Variants in GALNT16 observed in about 807,000 individuals in gnomAD.
GALNT16 encodes the protein polypeptide N-acetylgalactosaminyltransferase 16.
GALNT16 carries 40 observed loss-of-function variants against 76.1 expected under a neutral mutation model. The ratio of observed to expected loss-of-function variants is 0.53; its 90% CI spans 0.41 to 0.68. The LOEUF (loss-of-function observed/expected upper bound fraction) is 0.68, where lower values mean the gene tolerates loss of function less well. GALNT16 is among the 30% of genes least tolerant of loss of function. The probability of loss-of-function intolerance (pLI) is 0.00; values close to 1 mark genes in which losing one functional copy is unlikely to be tolerated. For missense variants in GALNT16, 621 were observed against 731.9 expected, an observed-to-expected ratio of 0.85 and a Z score of 1.75; for synonymous variants, 276 against 285.2, an observed-to-expected ratio of 0.97 and a Z score of 0.32.
At position 69,320,788 on chromosome 14, in the gene GALNT16, C is replaced by A; in HGVS notation, c.255C>A (p.Pro85=). The change falls in exon 2 of 15, where the codon CCC becomes CCA. Residue 85 remains proline, a synonymous_variant. Transcript: ENST00000448469. ...SAKQLKAGED[P]YRQHAFNQLE... Reference sequence around the variant, plus strand: ...AGCAGCTGAAGGCTGGAGAGGACCCCTACAGACAGCACGCCTTCAACCAGC... The same window carrying A: ...AGCAGCTGAAGGCTGGAGAGGACCCATACAGACAGCACGCCTTCAACCAGC... 1 of 1,614,210 alleles carries A rather than the reference C, an allele frequency of 6.2e-7. No homozygotes were observed. Among genetic ancestry groups the A allele is most frequent in the Non-Finnish European group, 8.5e-7 (1 of 1,180,022 alleles).
chr14:69,272,726 T>A (rs1027642348), intron 1 of GALNT16, among the ~76,000 whole-genome samples: 3 of 152,352 alleles, frequency 2.0e-5, no homozygotes, highest in Admixed American at 1.3e-4. Context: ...AAGTCTACCA[T>A]TTTTTATCTT....
chr14:69,382,621 C>G, the GALNT16 span, among the ~76,000 whole-genome samples: 5 of 151,286 alleles, frequency 3.3e-5, no homozygotes, highest in Non-Finnish European at 7.4e-5. Context: ...GCCACAATGT[C>G]AAGAGATCAA....
At chr14:69,354,501 C>T (rs2045676330), downstream of GALNT16, 1 of 152,972 alleles carries the variant, frequency 6.5e-6, no homozygotes, top group Non-Finnish European at 1.5e-5. Context: ...TGCCTCCAGG[C>T]CTAGCCCTTC....
intron 1 of GALNT16, among the ~76,000 whole-genome samples, chr14:69,318,151 G>A (rs2045128476): frequency 6.6e-6 from 1 of 152,248 alleles, no homozygotes; most frequent in Non-Finnish European, 1.5e-5. Context: ...CATGACACCT[G>A]TCTCACAGGT....
intron 11 of GALNT16, among the ~76,000 whole-genome samples, chr14:69,340,486 AT>A (rs71102646): frequency 0.48 from 69,972 of 146,742 alleles, 17,051 homozygotes; most frequent in Non-Finnish European, 0.55. Flanking sequence ...ACCTTGTGGA[AT>A]TTTTTTTTTT....
chr14:69,300,092 T>C (rs1226936009), intron 1 of GALNT16, among the ~76,000 whole-genome samples: 1 of 152,214 alleles, frequency 6.6e-6, no homozygotes, highest in African/African-American at 2.4e-5. Flanking sequence ...TGCTGCCTCC[T>C]TTCCCCACAA....
At chr14:69,269,438 G>GGT (rs1266732203) in intron 1 of GALNT16, among the ~76,000 whole-genome samples, 1 of 150,948 alleles carries the variant, frequency 6.6e-6, no homozygotes, top group Admixed American at 6.6e-5. Context: ...TGGTATGTCT[G>GGT]GTGTGTGTGT....
intron 1 of GALNT16, among the ~76,000 whole-genome samples, chr14:69,270,635 T>C (rs912750838): frequency 3.3e-5 from 5 of 152,130 alleles, no homozygotes; most frequent in African/African-American, 9.7e-5. Context: ...GCAACCCGAG[T>C]TGCCTTCCAA....
chr14:69,350,892 G>A (rs1352800596), intron 14 of GALNT16: 3 of 152,354 alleles, frequency 2.0e-5, no homozygotes, highest in Non-Finnish European at 4.4e-5. Context: ...CCTGAGCCTT[G>A]AAACCTGGGT....
At chr14:69,361,868 G>A (rs2045726487), downstream of GALNT16, among the ~76,000 whole-genome samples, 1 of 152,210 alleles carries the variant, frequency 6.6e-6, no homozygotes, top group Non-Finnish European at 1.5e-5. Flanking sequence ...TTAGCCAGGT[G>A]TGGTGGCGCA....
At chr14:69,384,977 A>C in the GALNT16 span, among the ~76,000 whole-genome samples, 302 of 152,134 alleles carry the variant, frequency 2.0e-3, 1 homozygote, top group African/African-American at 7.0e-3. Flanking sequence ...TCAATTTCCT[A>C]ATTTCAAGCA....
chr14:69,268,912 C>T (rs909901730), intron 1 of GALNT16, among the ~76,000 whole-genome samples: 6 of 152,240 alleles, frequency 3.9e-5, no homozygotes, highest in African/African-American at 1.4e-4. Flanking sequence ...CTTAGAGGGG[C>T]AGCTGGAGCA....
At chr14:69,312,060 T>C (rs1434445406) in intron 1 of GALNT16, among the ~76,000 whole-genome samples, 2 of 28,268 alleles carry the variant, frequency 7.1e-5, no homozygotes, top group African/African-American at 2.6e-4. Flanking sequence ...AAAAAATCTG[T>C]CTATCTATCT....
chr14:69,321,020 T>G, intron 2 of GALNT16, 152 bp downstream of exon 2: 1 of 868,920 alleles, frequency 1.2e-6, no homozygotes, highest in Non-Finnish European at 1.7e-6. Flanking sequence ...CACCCTCTGT[T>G]GCTGGTTTAC....
At chr14:69,344,622 T>C (rs558659580) in intron 12 of GALNT16, among the ~76,000 whole-genome samples, 4 of 152,310 alleles carry the variant, frequency 2.6e-5, no homozygotes, top group Admixed American at 2.6e-4. Context: ...GCTTAGGAGC[T>C]GCATCTGATC....
At chr14:69,375,129 T>C in the GALNT16 span, among the ~76,000 whole-genome samples, 2 of 152,204 alleles carry the variant, frequency 1.3e-5, no homozygotes, top group Non-Finnish European at 2.9e-5. Context: ...AGCTACACTT[T>C]TATCATTACA....
rs1226929045 is a variant in GALNT16 at position 69,260,394 on chromosome 14, C to T, written c.104C>T (p.Ser35Phe). 12 of 1,607,034 alleles carry T rather than the reference C, an allele frequency of 7.5e-6. No individual in the cohort carries two copies. The highest frequency in any genetic ancestry group is 1.3e-5 in the African/African-American group (1 of 74,762). ...WQDNRAHAAS[S>F]GGRGAQRAGR... The stretch of plus-strand genomic sequence containing the variant: ...GACAACCGAGCCCACGCAGCATCCT[C>T]CGGCGGCCGGGGCGCGCAGAGGGCA... Residue 35 changes from serine (S) to phenylalanine (F), a missense_variant, in exon 1 of 15, where the codon TCC becomes TTC. By Grantham distance (155) the Ser-to-Phe change is radical (BLOSUM62 -2). Coordinates refer to ENST00000448469, the MANE Select transcript of GALNT16 (RefSeq NM_001168368.2).
At chr14:69,380,576 C>CTGT in the GALNT16 span, 1 of 1,607,878 alleles carries the variant, frequency 6.2e-7, no homozygotes, top group East Asian at 2.2e-5. Context: ...CGAAGGAGCA[C>CTGT]GTAGATCTTC....
In GALNT16 at chr14:69,273,345, C is replaced by T. The variant is rs1337147306; in HGVS notation, c.177+12878C>T. On this transcript the variant is annotated intron_variant, in intron 1 of 14. Transcript: ENST00000448469. Reference sequence around the variant, plus strand: ...GTGTTTCGTCTTTGTCCTGTTACAGCCAGAATGACAAGTAGGTCTCAGCTC... The same window carrying T: ...GTGTTTCGTCTTTGTCCTGTTACAGTCAGAATGACAAGTAGGTCTCAGCTC... Among the ~76,000 whole-genome samples the T allele has an allele frequency of 2.6e-5, 4 of 152,182 alleles. No individual in the cohort carries two copies. In the East Asian group the frequency reaches 5.8e-4, roughly 22 times the overall value.
Sources: allele counts gnomAD v4.1 joint callset (sites outside exome capture counted in the v4.1 genomes callset), GRCh38; gene constraint gnomAD v4.1.1; transcripts MANE v1.5; gene names NCBI Gene and HGNC (gene_info 2026-07-23, HGNC 2026-07-21).